CRPPA: variants seen among roughly 807,000 people sequenced by gnomAD.
CRPPA encodes the protein D-ribitol-5-phosphate cytidylyltransferase.
Under a neutral mutation model 52.0 loss-of-function variants are expected in CRPPA, and 43 were observed. The ratio of observed to expected loss-of-function variants is 0.83; its 90% CI spans 0.65 to 1.07. The LOEUF is 1.07. CRPPA is among the 50% of genes least tolerant of loss of function. The probability of loss-of-function intolerance (pLI) is 0.00; values close to 1 mark genes in which losing one functional copy is unlikely to be tolerated. For synonymous variants in CRPPA, 250 were observed against 203.5 expected (o/e 1.23, Z -1.94); for missense variants, 629 against 551.7 (o/e 1.14, Z -1.40).
intron 9 of CRPPA, among the ~76,000 whole-genome samples, chr7:16,105,143 T>C (rs1230987043): frequency 6.6e-6 from 1 of 151,048 alleles, no homozygotes; most frequent in Non-Finnish European, 1.5e-5. Context: ...GTCAGCAAGA[T>C]GGCAAAATGG....
chr7:16,213,039 G>A (rs569609145), intron 9 of CRPPA, among the ~76,000 whole-genome samples: 1 of 152,216 alleles, frequency 6.6e-6, no homozygotes, highest in South Asian at 2.1e-4. Context: ...ATGCAAAATT[G>A]AAAAATATAT....
intron 9 of CRPPA, among the ~76,000 whole-genome samples, chr7:16,142,880 G>T (rs1782900665): frequency 6.6e-6 from 1 of 152,076 alleles, no homozygotes; most frequent in Admixed American, 6.6e-5. Flanking sequence ...TCCAAATAAA[G>T]TTTGTAATAA....
intron 3 of CRPPA, among the ~76,000 whole-genome samples, chr7:16,337,389 T>C (rs1785711157): frequency 6.6e-6 from 1 of 151,322 alleles, no homozygotes. Context: ...ATCAAGAAAA[T>C]AAAATCAAGA....
chr7:16,144,713 T>C (rs1397148996), intron 9 of CRPPA, among the ~76,000 whole-genome samples: 5 of 152,180 alleles, frequency 3.3e-5, no homozygotes, highest in African/African-American at 1.2e-4. Context: ...CAAGCCTTTG[T>C]CATTAAATCT....
intron 9 of CRPPA, among the ~76,000 whole-genome samples, chr7:16,160,528 T>G (rs1460459739): frequency 6.6e-6 from 1 of 152,344 alleles, no homozygotes; most frequent in Non-Finnish European, 1.5e-5. Flanking sequence ...CTGGTCTGTA[T>G]GTTTTGATAG....
chr7:16,383,138 C>G (rs558521417), intron 2 of CRPPA, among the ~76,000 whole-genome samples: 3 of 152,046 alleles, frequency 2.0e-5, no homozygotes, highest in South Asian at 2.1e-4. Flanking sequence ...TACTTTTGGT[C>G]TTTGATGATG....
Position 16,184,897 on chromosome 7 carries a change from T to C in CRPPA, c.1251+31169A>G, listed in dbSNP as rs114118488. On this transcript the variant is annotated intron_variant, in intron 9 of 9. Transcript: ENST00000407010. ...AACTCATACTCTACCACTGAGGGTA[T>C]ACATCAGCTTATTTCACCATTCCTA... 5.3e-3 allele frequency among the ~76,000 whole-genome samples: 800 copies of C among 152,364 alleles called. 4 individuals carry two copies. The highest frequency in any genetic ancestry group is 0.018 in the African/African-American group (747 of 41,590).
At chr7:16,355,921 A>G (rs957167691) in intron 3 of CRPPA, among the ~76,000 whole-genome samples, 1 of 152,206 alleles carries the variant, frequency 6.6e-6, no homozygotes, top group Non-Finnish European at 1.5e-5. Flanking sequence ...TATCACTGCA[A>G]GCTCTTCACT....
intron 9 of CRPPA, among the ~76,000 whole-genome samples, chr7:16,177,104 ACTAT>A (rs1438988302): frequency 1.3e-5 from 2 of 152,156 alleles, no homozygotes; most frequent in African/African-American, 4.8e-5. Flanking sequence ...AAAAGCCAAA[ACTAT>A]AATGACAGAA....
At chr7:16,179,476 T>C (rs991400751) in intron 9 of CRPPA, among the ~76,000 whole-genome samples, 1 of 151,988 alleles carries the variant, frequency 6.6e-6, no homozygotes, top group Non-Finnish European at 1.5e-5. Flanking sequence ...GGATTCCTTA[T>C]AAAAGGGAGG....
In CRPPA at chr7:16,242,654, C is replaced by A. The variant is rs1783152124; in HGVS notation, c.1119+15736G>T. Among the ~76,000 whole-genome samples the A allele has an allele frequency of 4.6e-5, 7 of 152,084 alleles. No homozygotes were observed. The South Asian group carries it at 1.2e-3, about 27-fold the overall frequency. ...TATGAAAAAAGTTTCAAACATAATT[C>A]TGATAGAATTTTATTTTTACAAAAG... On this transcript the variant is annotated intron_variant, in intron 8 of 9. Transcript: ENST00000407010.
intron 8 of CRPPA, among the ~76,000 whole-genome samples, chr7:16,229,898 G>T (rs369688746): frequency 6.6e-6 from 1 of 152,040 alleles, no homozygotes; most frequent in African/African-American, 2.4e-5. Flanking sequence ...GGACACCTTT[G>T]CTGGGTACAC....
chr7:16,397,362 CGTGT>C (rs925385908), intron 2 of CRPPA, among the ~76,000 whole-genome samples: 2 of 152,186 alleles, frequency 1.3e-5, no homozygotes, highest in Non-Finnish European at 2.9e-5. Flanking sequence ...AGGTGACTGA[CGTGT>C]GTAACACGTG....
chr7:16,100,741 G>C (rs1474491318), intron 9 of CRPPA, among the ~76,000 whole-genome samples: 1 of 152,136 alleles, frequency 6.6e-6, no homozygotes, highest in Non-Finnish European at 1.5e-5. Flanking sequence ...GTTTTCAAAG[G>C]GAATGCTTCC....
intron 5 of CRPPA, among the ~76,000 whole-genome samples, chr7:16,292,449 T>C (rs1175162897): frequency 6.6e-6 from 1 of 151,948 alleles, no homozygotes; most frequent in African/African-American, 2.4e-5. Flanking sequence ...CTCTACTTCT[T>C]TCAAGGAGTT....
chr7:16,281,651 G>A (rs1474436126), intron 5 of CRPPA, among the ~76,000 whole-genome samples: 1 of 152,278 alleles, frequency 6.6e-6, no homozygotes, highest in East Asian at 1.9e-4. Context: ...CTACTCTCTA[G>A]AAAGTGTGCA....
chr7:16,266,952 C>A (rs1315942203), intron 6 of CRPPA, among the ~76,000 whole-genome samples: 1 of 152,096 alleles, frequency 6.6e-6, no homozygotes, highest in Non-Finnish European at 1.5e-5. Flanking sequence ...GTTTGGCAGG[C>A]ATGTTCTGTA....
chr7:16,413,046 A>C (rs1788108446), intron 1 of CRPPA, among the ~76,000 whole-genome samples: 1 of 152,208 alleles, frequency 6.6e-6, no homozygotes, highest in Non-Finnish European at 1.5e-5. Flanking sequence ...TCTAGTCTGC[A>C]GAGTTTGGCT....
chr7:16,154,531 A>G (rs1783137276), intron 9 of CRPPA, among the ~76,000 whole-genome samples: 2 of 152,202 alleles, frequency 1.3e-5, no homozygotes, highest in Admixed American at 6.5e-5. Context: ...ACTCCGAGTA[A>G]TAAAACTAAA....
Sources: gnomAD v4.1 joint callset for allele counts (sites outside exome capture counted in the v4.1 genomes callset) on GRCh38, gnomAD v4.1.1 for gene constraint, MANE v1.5 for transcripts, NCBI Gene and HGNC (gene_info 2026-07-23, HGNC 2026-07-21) for gene names.